CCDC88C: variants seen among roughly 807,000 people sequenced by gnomAD.
CCDC88C encodes protein Daple.
A neutral mutation model predicts 198.8 loss-of-function variants in CCDC88C; 131 were observed. The observed-to-expected ratio is 0.66, with a 90% CI of 0.57 to 0.76. CCDC88C has a LOEUF of 0.76. Among genes scored for constraint, CCDC88C ranks in the 30% least tolerant of loss-of-function variants. The pLI, the probability that CCDC88C is intolerant of heterozygous loss-of-function variation, is 0.00. For missense variants in CCDC88C, 2,553 were observed against 2,631.6 expected (o/e 0.97, Z 0.65); for synonymous variants, 1,166 against 1,114.7 (o/e 1.05, Z -0.92).
At chr14:91,359,406 G>A (rs1208379812) in intron 4 of CCDC88C, among the ~76,000 whole-genome samples, 2 of 152,080 alleles carry the variant, frequency 1.3e-5, no homozygotes, top group Non-Finnish European at 2.9e-5. Flanking sequence ...CAAAGTGCTG[G>A]GATTACAGGC....
At chr14:91,293,414 A>G (rs192896120) in intron 23 of CCDC88C, among the ~76,000 whole-genome samples, 2,172 of 12,476 alleles carry the variant, frequency 0.17, 292 homozygotes, top group Non-Finnish European at 0.23. Flanking sequence ...CTGCCCCCTC[A>G]CCTGCCACGG....
chr14:91,304,071 A>G, intron 19 of CCDC88C, 93 bp from the exon 20 acceptor site: 2 of 1,446,966 alleles, frequency 1.4e-6, no homozygotes, highest in Non-Finnish European at 1.9e-6. Context: ...ACACGAAAAT[A>G]GCCGGGACCC....
At chr14:91,279,760 T>C (rs894178159) in intron 27 of CCDC88C, 1 of 154,162 alleles carries the variant, frequency 6.5e-6, no homozygotes, top group Non-Finnish European at 1.4e-5. Context: ...TTCAGGGCCA[T>C]GTGTGCGCAC....
intron 2 of CCDC88C, among the ~76,000 whole-genome samples, chr14:91,414,983 G>A (rs1001824259): frequency 1.3e-5 from 2 of 152,166 alleles, no homozygotes; most frequent in South Asian, 2.1e-4. Context: ...AGTGGGAAAC[G>A]CTTCAGGAAT....
intron 3 of CCDC88C, among the ~76,000 whole-genome samples, chr14:91,365,022 C>G (rs553805597): frequency 1.3e-5 from 2 of 152,284 alleles, no homozygotes; most frequent in African/African-American, 4.8e-5. Context: ...GGGAGTGACG[C>G]CCATGCTGGG....
At chr14:91,316,161 T>C (rs797009706) in intron 13 of CCDC88C, among the ~76,000 whole-genome samples, 7 of 152,264 alleles carry the variant, frequency 4.6e-5, no homozygotes, top group African/African-American at 1.7e-4. Flanking sequence ...CCCTCTGTTA[T>C]ATCTCTTCCT....
chr14:91,391,674 G>A (rs1022033779), intron 3 of CCDC88C, among the ~76,000 whole-genome samples: 3 of 152,112 alleles, frequency 2.0e-5, no homozygotes, highest in African/African-American at 7.2e-5. Context: ...AGCTACTCGG[G>A]AGGCTGAGGC....
intron 4 of CCDC88C, among the ~76,000 whole-genome samples, chr14:91,355,739 G>A (rs530459490): frequency 1.4e-5 from 2 of 137,932 alleles, no homozygotes; most frequent in African/African-American, 2.5e-5. Flanking sequence ...TGTCTGATGG[G>A]TGTGGGGGGT....
chr14:91,278,172 C>A lies in CCDC88C; in HGVS notation c.4808G>T (p.Ser1603Ile). ...EQLHGRSESF[S>I]SEDLIPSRDL... ...CCTGCTGGGGATCAGGTCTTCGCTG[C>A]TGAAGCTCTCAGACCGGCCATGGAG... is the stretch of plus-strand genomic sequence containing the variant. The change falls in exon 29 of 30, where the codon AGC becomes ATC. Residue 1603 changes from serine (S) to isoleucine (I), a missense_variant. Around this residue, in one of 2 missense-constraint regions of CCDC88C, gnomAD observed 1,293 missense variants for 1,219.6 expected, o/e 1.06. Coordinates refer to ENST00000389857, the MANE Select transcript of CCDC88C (RefSeq NM_001080414.4). 1 of 1,611,204 alleles carries A rather than the reference C, an allele frequency of 6.2e-7. No individual in the cohort carries two copies. The highest frequency in any genetic ancestry group is 1.3e-5 in the African/African-American group (1 of 75,010).
At chr14:91,296,735 G>A (rs1891021155) in intron 22 of CCDC88C, among the ~76,000 whole-genome samples, 1 of 152,192 alleles carries the variant, frequency 6.6e-6, no homozygotes, top group Non-Finnish European at 1.5e-5. Context: ...TGTCCCTGGG[G>A]CTGTCTAGGA....
At chr14:91,294,465 C>T (rs566158513) in intron 22 of CCDC88C, 147 bp from the exon 23 acceptor site, 22 of 880,154 alleles carry the variant, frequency 2.5e-5, no homozygotes, top group Middle Eastern at 6.6e-4. Flanking sequence ...AAGGGCCAAA[C>T]GGCCAATAAC....
In CCDC88C at chr14:91,303,258, C is replaced by A. The variant is rs543389952; in HGVS notation, c.3635+443G>T. Among the ~76,000 whole-genome samples, 118 of 152,038 alleles carry A rather than the reference C, an allele frequency of 7.8e-4. 1 individual carries two copies. In the South Asian group the frequency reaches 9.8e-3, roughly 13 times the overall value. ...ACCCTGCCTCTCCCCCGGGCCCTGC[C>A]CACTTCCCCAAAGCCCTGCCTCTCC... On this transcript the variant is annotated intron_variant, in intron 20 of 29. Coordinates refer to ENST00000389857, the MANE Select transcript of CCDC88C (RefSeq NM_001080414.4).
Position 91,289,195 on chromosome 14 carries a change from G to GT in CCDC88C, c.4350_4351insA (p.Leu1451ThrfsTer48). 6.2e-7 allele frequency: 1 copy of GT among 1,613,990 alleles called. No homozygotes were observed. The highest frequency in any genetic ancestry group is 2.2e-5 in the East Asian group (1 of 44,872). On this transcript the variant is annotated frameshift_variant, in exon 25 of 30. Coordinates refer to ENST00000389857, the MANE Select transcript of CCDC88C (RefSeq NM_001080414.4). LOFTEE classifies it high-confidence loss of function. The stretch of plus-strand genomic sequence containing the variant: ...TCGGGGTTCTCGGCCTGTGATCTGA[G>GT]CGGCTGAGAGGCCGCCGGCGAGGCG...
At chr14:91,340,139 T>A in intron 6 of CCDC88C, 115 bp from the exon 7 acceptor site, 1 of 1,423,298 alleles carries the variant, frequency 7.0e-7, no homozygotes, top group Non-Finnish European at 9.6e-7. Flanking sequence ...AGTGACAAAT[T>A]TACGGTGGCC....
At chr14:91,385,109 C>T (rs1193360778) in intron 3 of CCDC88C, among the ~76,000 whole-genome samples, 8 of 152,182 alleles carry the variant, frequency 5.3e-5, no homozygotes, top group African/African-American at 9.7e-5. Context: ...GGACACAGCA[C>T]GCTCAGGTAG....
At position 91,408,352 on chromosome 14, in the gene CCDC88C, G is replaced by A. The variant is rs1367830432; in HGVS notation, c.270+307C>T. 7 of 308,692 alleles carry A rather than the reference G, an allele frequency of 2.3e-5. No individual in the cohort carries two copies. In the East Asian group the frequency reaches 5.4e-4, roughly 24 times the overall value. 19.1% of individuals were successfully genotyped at this position (308,692 alleles called of 1,614,324 possible). ...GGTCACCTTCAGGAAGCCCATTCCAGCCAGTCCCCACTCAACTGCATTCTC... is the reference window on the plus strand; with the variant it reads ...GGTCACCTTCAGGAAGCCCATTCCAACCAGTCCCCACTCAACTGCATTCTC... On this transcript the variant is annotated intron_variant, in intron 3 of 29. Transcript: ENST00000389857.
At chr14:91,404,975 A>AG (rs1278977892) in intron 3 of CCDC88C, among the ~76,000 whole-genome samples, 3 of 151,494 alleles carry the variant, frequency 2.0e-5, no homozygotes, top group Non-Finnish European at 2.9e-5. Flanking sequence ...AAAAAAAAAA[A>AG]AAAGAGAAAA....
intron 3 of CCDC88C, among the ~76,000 whole-genome samples, chr14:91,396,563 C>T (rs892032940): frequency 2.0e-5 from 3 of 152,122 alleles, no homozygotes; most frequent in Admixed American, 6.5e-5. Flanking sequence ...CGACAAGCAC[C>T]GGGAACACCA....
chr14:91,375,181 A>T (rs1247883754), intron 3 of CCDC88C, among the ~76,000 whole-genome samples: 3 of 152,158 alleles, frequency 2.0e-5, no homozygotes, highest in Non-Finnish European at 2.9e-5. Flanking sequence ...AGGGCCTGGC[A>T]CACAGCAGGG....
Sources: allele counts gnomAD v4.1 joint callset (sites outside exome capture counted in the v4.1 genomes callset), GRCh38; gene constraint gnomAD v4.1.1; regional missense constraint gnomAD v4.1.1; transcripts MANE v1.5; gene names NCBI Gene and HGNC (gene_info 2026-07-23, HGNC 2026-07-21).